EFNA5: variants seen among roughly 807,000 people sequenced by gnomAD.
The protein encoded by EFNA5 is ephrin A5, also known as ephrin-A5.
Under a neutral mutation model 22.9 loss-of-function variants are expected in EFNA5, and 5 were observed. That is an observed-to-expected ratio of 0.22 (90% CI 0.11 to 0.46). EFNA5 has a LOEUF of 0.46. Among genes scored for constraint, EFNA5 ranks in the 20% least tolerant of loss-of-function variants. The probability of loss-of-function intolerance (pLI) is 0.99; values close to 1 mark genes in which losing one functional copy is unlikely to be tolerated. For missense variants in EFNA5, 237 were observed against 293.3 expected, an observed-to-expected ratio of 0.81 and a Z score of 1.40; for synonymous variants, 113 against 112.2, an observed-to-expected ratio of 1.01 and a Z score of -0.04.
In EFNA5 at chr5:107,546,690, T is replaced by A. The variant is rs942016208; in HGVS notation, c.126-119181A>T. ...CACACACACACACACACACACACTC[T>A]CACCCCTGGTGTAGGAAAGAATTTT... On this transcript the variant is annotated intron_variant, in intron 1 of 4. Coordinates refer to ENST00000333274, the MANE Select transcript of EFNA5 (RefSeq NM_001962.3). Among the ~76,000 whole-genome samples, 5 of 106,916 alleles carry A rather than the reference T, an allele frequency of 4.7e-5. No individual in the cohort carries two copies. In the South Asian group the frequency reaches 8.5e-4, roughly 18 times the overall value. 70.1% of individuals were successfully genotyped at this position (106,916 alleles called of 152,430 possible).
intron 1 of EFNA5, among the ~76,000 whole-genome samples, chr5:107,658,708 T>G (rs1750879592): frequency 6.6e-6 from 1 of 152,162 alleles, no homozygotes. Context: ...AAACCACGGT[T>G]CATGGGCCAG....
chr5:107,409,155 A>G (rs2112399165), intron 2 of EFNA5, among the ~76,000 whole-genome samples: 2 of 152,358 alleles, frequency 1.3e-5, no homozygotes, highest in Admixed American at 1.3e-4. Flanking sequence ...AGCATTGACT[A>G]AATACTTACA....
At chr5:107,526,814 T>C (rs953103695) in intron 1 of EFNA5, among the ~76,000 whole-genome samples, 9 of 152,224 alleles carry the variant, frequency 5.9e-5, no homozygotes, top group Non-Finnish European at 1.3e-4. Context: ...TGGGAAATTC[T>C]ACTTTCTTCA....
intron 1 of EFNA5, among the ~76,000 whole-genome samples, chr5:107,639,833 C>T (rs1203177073): frequency 3.9e-5 from 6 of 152,040 alleles, no homozygotes; most frequent in Non-Finnish European, 8.8e-5. Context: ...TGTAATGAAA[C>T]TATAAACCGA....
chr5:107,551,905 T>TAA (rs559798045), intron 1 of EFNA5, among the ~76,000 whole-genome samples: 6 of 151,456 alleles, frequency 4.0e-5, no homozygotes, highest in African/African-American at 1.5e-4. Flanking sequence ...ATGTAAGCTT[T>TAA]TAAAAAAAAA....
At chr5:107,611,351 CTG>C (rs1173573659) in intron 1 of EFNA5, among the ~76,000 whole-genome samples, 2 of 152,192 alleles carry the variant, frequency 1.3e-5, no homozygotes, top group East Asian at 3.8e-4. Context: ...GAAGCAAATA[CTG>C]TGTCAGCATA....
intron 1 of EFNA5, among the ~76,000 whole-genome samples, chr5:107,582,940 G>A (rs998552324): frequency 1.3e-5 from 2 of 152,042 alleles, no homozygotes; most frequent in Admixed American, 1.3e-4. Flanking sequence ...ATTCCTTTAT[G>A]GCTTGAAGGG....
intron 1 of EFNA5, among the ~76,000 whole-genome samples, chr5:107,506,669 G>A (rs1451690220): frequency 6.6e-6 from 1 of 152,102 alleles, no homozygotes; most frequent in Non-Finnish European, 1.5e-5. Flanking sequence ...TTTATTCTTA[G>A]GGCACTAGAG....
Position 107,603,626 on chromosome 5 carries a change from T to C in EFNA5, c.125+66863A>G, listed in dbSNP as rs1036218915. On this transcript the variant is annotated intron_variant, in intron 1 of 4. Coordinates refer to ENST00000333274, the MANE Select transcript of EFNA5 (RefSeq NM_001962.3). ...ATAAAAAACATTAAATCACCAAATT[T>C]GTCATCAGTGTTTTACATGTGTTTC... 2.0e-5 allele frequency among the ~76,000 whole-genome samples: 3 copies of C among 152,216 alleles called. No homozygotes were observed. In the East Asian group the frequency reaches 5.8e-4, roughly 29 times the overall value.
At chr5:107,589,586 A>G (rs1288972481) in intron 1 of EFNA5, among the ~76,000 whole-genome samples, 1 of 152,352 alleles carries the variant, frequency 6.6e-6, no homozygotes, top group African/African-American at 2.4e-5. Flanking sequence ...AAGAGGTACA[A>G]TGCTAGTGAA....
chr5:107,603,037 A>C (rs1749637073), intron 1 of EFNA5, among the ~76,000 whole-genome samples: 1 of 152,188 alleles, frequency 6.6e-6, no homozygotes, highest in Non-Finnish European at 1.5e-5. Flanking sequence ...TGGTGTTCTT[A>C]ATGAGGGTCC....
At chr5:107,564,247 A>C (rs1748613278) in intron 1 of EFNA5, among the ~76,000 whole-genome samples, 1 of 152,176 alleles carries the variant, frequency 6.6e-6, no homozygotes, top group South Asian at 2.1e-4. Context: ...GGCTTGACAA[A>C]TTACTGTTAA....
chr5:107,390,709 A>G (rs901920206), intron 2 of EFNA5, among the ~76,000 whole-genome samples: 4 of 150,848 alleles, frequency 2.7e-5, no homozygotes, highest in Non-Finnish European at 4.4e-5. Context: ...ATAAATATAT[A>G]TAAATTTATA....
chr5:107,669,965 C>G (rs1751152503), intron 1 of EFNA5, among the ~76,000 whole-genome samples: 3 of 151,806 alleles, frequency 2.0e-5, no homozygotes, highest in Non-Finnish European at 2.9e-5. Context: ...CCCAGCCCCC[C>G]TCACTTCCCC....
At chr5:107,592,722 G>A (rs1749402324) in intron 1 of EFNA5, among the ~76,000 whole-genome samples, 1 of 152,146 alleles carries the variant, frequency 6.6e-6, no homozygotes, top group Non-Finnish European at 1.5e-5. Context: ...TTCAATGTGA[G>A]CGAATCGGCA....
At chr5:107,569,562 T>TATAC (rs1748745237) in intron 1 of EFNA5, among the ~76,000 whole-genome samples, 4 of 19,840 alleles carry the variant, frequency 2.0e-4, no homozygotes, top group Non-Finnish European at 1.6e-4. Context: ...TATATATTTA[T>TATAC]ATATATATAT....
intron 1 of EFNA5, among the ~76,000 whole-genome samples, chr5:107,547,174 A>G (rs1402125765): frequency 1.3e-5 from 2 of 152,332 alleles, no homozygotes; most frequent in Middle Eastern, 6.8e-3. Context: ...GATACACTGT[A>G]CCATTGGCCT....
intron 1 of EFNA5, among the ~76,000 whole-genome samples, chr5:107,563,976 C>T (rs1748606813): frequency 6.6e-6 from 1 of 152,196 alleles, no homozygotes; most frequent in South Asian, 2.1e-4. Flanking sequence ...AGAACCTCCT[C>T]CTTGGGACTA....
At chr5:107,649,264 GC>G (rs1169844249) in intron 1 of EFNA5, among the ~76,000 whole-genome samples, 2 of 152,024 alleles carry the variant, frequency 1.3e-5, no homozygotes, top group African/African-American at 4.8e-5. Flanking sequence ...CTGACTCCAG[GC>G]CTTGGTATTT....
Sources: allele counts gnomAD v4.1 joint callset (sites outside exome capture counted in the v4.1 genomes callset), GRCh38; gene constraint gnomAD v4.1.1; transcripts MANE v1.5; gene names NCBI Gene and HGNC (gene_info 2026-07-23, HGNC 2026-07-21).